NAALADL2: variants seen among roughly 807,000 people sequenced by gnomAD.
The protein encoded by NAALADL2 is N-acetylated alpha-linked acidic dipeptidase like 2.
A neutral mutation model predicts 87.2 loss-of-function variants in NAALADL2; 76 were observed. The ratio of observed to expected loss-of-function variants is 0.87; its 90% CI spans 0.72 to 1.05. NAALADL2 has a LOEUF of 1.05. Ranked by LOEUF, NAALADL2 falls within the 50% of genes least tolerant of loss-of-function variation. The pLI, the probability that NAALADL2 is intolerant of heterozygous loss-of-function variation, is 0.00. For synonymous variants in NAALADL2, 354 were observed against 331.0 expected (o/e 1.07, Z -0.75); for missense variants, 1,089 against 945.8 (o/e 1.15, Z -1.99).
At chr3:175,627,463 A>C in intron 11 of NAALADL2, 77 bp downstream of exon 11, 1 of 897,608 alleles carries the variant, frequency 1.1e-6, no homozygotes, top group Non-Finnish European at 1.7e-6. Context: ...AAGGAACATA[A>C]CCAATCAAGA....
chr3:175,655,971 G>A (rs1646737702), intron 11 of NAALADL2, among the ~76,000 whole-genome samples: 2 of 152,140 alleles, frequency 1.3e-5, no homozygotes, highest in African/African-American at 4.8e-5. Context: ...TGTAGAAATT[G>A]CCCATTTAAC....
At chr3:175,437,374 C>G (rs569088582) in intron 5 of NAALADL2, among the ~76,000 whole-genome samples, 1 of 146,222 alleles carries the variant, frequency 6.8e-6, no homozygotes, top group East Asian at 2.0e-4. Flanking sequence ...AATAAAATAC[C>G]TAGGAATCCA....
intron 1 of NAALADL2, among the ~76,000 whole-genome samples, chr3:174,498,418 G>A (rs1031440499): frequency 6.6e-6 from 1 of 151,748 alleles, no homozygotes; most frequent in Non-Finnish European, 1.5e-5. Flanking sequence ...GCTTTAGTAA[G>A]CTTCAATTTG....
intron 1 of NAALADL2, among the ~76,000 whole-genome samples, chr3:174,901,943 T>C (rs1175752988): frequency 6.6e-6 from 1 of 152,190 alleles, no homozygotes; most frequent in Non-Finnish European, 1.5e-5. Flanking sequence ...CAAATGATCC[T>C]CTATTTTGGA....
At chr3:174,655,779 C>T (rs546812429) in intron 2 of NAALADL2, among the ~76,000 whole-genome samples, 1 of 152,068 alleles carries the variant, frequency 6.6e-6, no homozygotes, top group African/African-American at 2.4e-5. Flanking sequence ...ATTAAACATA[C>T]CATTAACTAA....
intron 10 of NAALADL2, among the ~76,000 whole-genome samples, chr3:175,598,525 G>C (rs1002902665): frequency 1.3e-5 from 2 of 151,888 alleles, no homozygotes; most frequent in Non-Finnish European, 2.9e-5. Flanking sequence ...CCAGAGCTCT[G>C]CTATTTAGGT....
chr3:175,575,677 C>A (rs1718769416), intron 9 of NAALADL2, among the ~76,000 whole-genome samples: 1 of 152,116 alleles, frequency 6.6e-6, no homozygotes, highest in African/African-American at 2.4e-5. Flanking sequence ...ATTAAAAAAA[C>A]AAAATGCTAC....
At chr3:174,723,244 G>A (rs1467889585) in intron 2 of NAALADL2, among the ~76,000 whole-genome samples, 2 of 151,680 alleles carry the variant, frequency 1.3e-5, no homozygotes, top group Non-Finnish European at 2.9e-5. Flanking sequence ...ATTCCTAAAG[G>A]TGAATTAAGT....
intron 13 of NAALADL2, among the ~76,000 whole-genome samples, chr3:175,782,551 T>C (rs1430673361): frequency 2.8e-5 from 4 of 142,100 alleles, no homozygotes; most frequent in African/African-American, 8.5e-5. Flanking sequence ...TTTGATGGGG[T>C]TGTTTGTTTT....
At chr3:175,517,072 T>A (rs1731946406) in intron 9 of NAALADL2, among the ~76,000 whole-genome samples, 3 of 152,232 alleles carry the variant, frequency 2.0e-5, no homozygotes. Flanking sequence ...TATGTAGTAG[T>A]ATTTTTAATA....
intron 5 of NAALADL2, among the ~76,000 whole-genome samples, chr3:175,341,214 C>A (rs1762539659): frequency 6.6e-6 from 1 of 152,096 alleles, no homozygotes; most frequent in African/African-American, 2.4e-5. Context: ...TCTATAAATT[C>A]CCATACTCTG....
At chr3:174,885,269 C>G (rs1729948498) in intron 1 of NAALADL2, among the ~76,000 whole-genome samples, 1 of 152,086 alleles carries the variant, frequency 6.6e-6, no homozygotes, top group African/African-American at 2.4e-5. Flanking sequence ...GTCTGTTTTT[C>G]CACAATTTCA....
chr3:174,947,919 C>T (rs529010859), intron 1 of NAALADL2, among the ~76,000 whole-genome samples: 164 of 152,046 alleles, frequency 1.1e-3, no homozygotes, highest in African/African-American at 3.9e-3. Context: ...ATTTTAGTAA[C>T]TAATATTTAA....
chr3:175,381,008 G>T (rs1320968855), intron 5 of NAALADL2, among the ~76,000 whole-genome samples: 1 of 151,842 alleles, frequency 6.6e-6, no homozygotes, highest in Non-Finnish European at 1.5e-5. Context: ...TTTGTTATGA[G>T]AATATGTCTC....
In NAALADL2 at chr3:175,627,354, C is replaced by T. The variant is rs373491589; in HGVS notation, c.1864C>T (p.Pro622Ser). The change falls in exon 11 of 14, where the codon CCC becomes TCC. Residue 622 changes from proline to serine, a missense_variant. Physicochemically the swap from Pro to Ser is moderately conservative, Grantham distance 74. Coordinates refer to ENST00000454872, the MANE Select transcript of NAALADL2 (RefSeq NM_207015.3). ...AGCAACAAAAATTGAAGAAATGGATCCCTCTTTCAACCTTCATGAAACCAT... is the reference window on the plus strand; with the variant it reads ...AGCAACAAAAATTGAAGAAATGGATTCCTCTTTCAACCTTCATGAAACCAT... ...TRATKIEEMD[P>S]SFNLHETITK... 1.9e-6 allele frequency: 3 copies of T among 1,569,508 alleles called. No individual in the cohort carries two copies. The highest frequency in any genetic ancestry group is 1.3e-5 in the African/African-American group (1 of 74,228).
rs371200276 is a variant in NAALADL2 at position 175,795,930 on chromosome 3, G to C, written c.2190-7075G>C. Among the ~76,000 whole-genome samples, 80 of 151,980 alleles carry C rather than the reference G, an allele frequency of 5.3e-4. 1 individual carries two copies. The highest frequency in any genetic ancestry group is 2.9e-3 in the East Asian group (15 of 5,136). ...TTATCTGTATTTATGTCTGCAACCA[G>C]TGCCTCTGCTGTGAAGTTGTCTTGG... On this transcript the variant is annotated intron_variant, in intron 13 of 13. Coordinates refer to ENST00000454872, the MANE Select transcript of NAALADL2 (RefSeq NM_207015.3).
At chr3:175,149,392 C>T (rs1463623060) in intron 2 of NAALADL2, among the ~76,000 whole-genome samples, 2 of 152,198 alleles carry the variant, frequency 1.3e-5, no homozygotes, top group East Asian at 3.9e-4. Context: ...AAGACAGTCT[C>T]AAATTTTAGG....
intron 4 of NAALADL2, among the ~76,000 whole-genome samples, chr3:175,316,068 C>T (rs1560344728): frequency 6.6e-6 from 1 of 152,128 alleles, no homozygotes; most frequent in Non-Finnish European, 1.5e-5. Flanking sequence ...ATAATTCAGT[C>T]TTTGCATTCT....
At chr3:175,137,662 A>G (rs1240668416) in intron 2 of NAALADL2, among the ~76,000 whole-genome samples, 3 of 149,694 alleles carry the variant, frequency 2.0e-5, no homozygotes, top group African/African-American at 7.4e-5. Context: ...CTAGAGTGCA[A>G]TGGCTCAACC....
Sources: gnomAD v4.1 joint callset for allele counts (sites outside exome capture counted in the v4.1 genomes callset) on GRCh38, gnomAD v4.1.1 for gene constraint, MANE v1.5 for transcripts, NCBI Gene and HGNC (gene_info 2026-07-23, HGNC 2026-07-21) for gene names.